Variants in ANKS1B observed in about 807,000 individuals in gnomAD.
The protein encoded by ANKS1B is ankyrin repeat and sterile alpha motif domain-containing protein 1B.
Under a neutral mutation model 148.3 loss-of-function variants are expected in ANKS1B, and 36 were observed. The ratio of observed to expected loss-of-function variants is 0.24; its 90% CI spans 0.19 to 0.32. The LOEUF (loss-of-function observed/expected upper bound fraction) is 0.32, where lower values mean the gene tolerates loss of function less well. ANKS1B is among the 10% of genes least tolerant of loss of function. ANKS1B has a pLI of 1.00. For synonymous variants in ANKS1B, 542 were observed against 560.8 expected, an observed-to-expected ratio of 0.97 and a Z score of 0.47; for missense variants, 1,157 against 1,542.6, an observed-to-expected ratio of 0.75 and a Z score of 4.19.
Position 99,984,360 on chromosome 12 carries a change from A to T in ANKS1B, c.-123T>A. ...CCTAAAATAATGCAAGAGCTTCAGC[A>T]CGGAGAGCTCCCTGCAGCCCCAGGC... On this transcript the variant is annotated 5_prime_UTR_variant, in exon 1 of 27. Transcript: ENST00000683438. 1.6e-6 allele frequency: 1 copy of T among 613,354 alleles called. No homozygotes were observed. 38.0% of individuals were successfully genotyped at this position (613,354 alleles called of 1,614,324 possible). A position where few individuals can be genotyped will look rare whatever the true frequency, so the allele number is the denominator to read the frequency against.
intron 24 of ANKS1B, among the ~76,000 whole-genome samples, chr12:98,779,287 T>C (rs981466029): frequency 6.6e-6 from 1 of 152,164 alleles, no homozygotes; most frequent in African/African-American, 2.4e-5. Flanking sequence ...AACTTCTGTG[T>C]CTCTTGCCGT....
At chr12:99,537,129 A>G (rs1029027818) in intron 9 of ANKS1B, among the ~76,000 whole-genome samples, 2 of 152,166 alleles carry the variant, frequency 1.3e-5, no homozygotes, top group African/African-American at 4.8e-5. Flanking sequence ...TCCATTGCGT[A>G]TAAGTACCAC....
chr12:99,614,183 C>A (rs1598140156), intron 9 of ANKS1B, among the ~76,000 whole-genome samples: 1 of 151,862 alleles, frequency 6.6e-6, no homozygotes, highest in South Asian at 2.1e-4. Flanking sequence ...AACTGTAATC[C>A]CAGCACTTTG....
At chr12:99,655,325 T>C in intron 8 of ANKS1B, 115 bp from the exon 9 acceptor site, 1 of 918,640 alleles carries the variant, frequency 1.1e-6, no homozygotes, top group Non-Finnish European at 1.6e-6. Flanking sequence ...GTCAGCTCAC[T>C]TTTAGCCACA....
chr12:99,081,105 A>G (rs2049581605), intron 16 of ANKS1B, among the ~76,000 whole-genome samples: 1 of 152,214 alleles, frequency 6.6e-6, no homozygotes, highest in Non-Finnish European at 1.5e-5. Context: ...AAATCTTCGC[A>G]TTGGTGAATA....
intron 25 of ANKS1B, among the ~76,000 whole-genome samples, chr12:98,766,992 T>TG (rs1282802382): frequency 1.3e-5 from 2 of 151,568 alleles, no homozygotes; most frequent in Non-Finnish European, 2.9e-5. Flanking sequence ...ATTTTTTTTT[T>TG]TTTTTTTGCA....
intron 12 of ANKS1B, among the ~76,000 whole-genome samples, chr12:99,326,585 T>C (rs2086342776): frequency 6.6e-6 from 1 of 152,134 alleles, no homozygotes; most frequent in Admixed American, 6.6e-5. Context: ...TACATTAACA[T>C]TGTTAAATTC....
intron 8 of ANKS1B, among the ~76,000 whole-genome samples, chr12:99,713,537 C>A (rs1276469418): frequency 1.3e-5 from 2 of 152,174 alleles, no homozygotes; most frequent in East Asian, 3.8e-4. Context: ...AATCTCCACG[C>A]TCATGGCTTA....
At chr12:99,584,735 G>T (rs1350707014) in intron 9 of ANKS1B, among the ~76,000 whole-genome samples, 4 of 152,142 alleles carry the variant, frequency 2.6e-5, no homozygotes, top group Admixed American at 2.6e-4. Flanking sequence ...TGAATGAGGA[G>T]CAAAGTCACA....
chr12:99,812,150 T>C lies in ANKS1B; in HGVS notation c.372+5A>G. ...ACATCATGAGCAAACATTTGGCAAG[T>C]GCACCTGTTCATTGACCCTGGAATG... On this transcript the variant is annotated splice_donor_5th_base_variant and intron_variant, in intron 3 of 26. Transcript: ENST00000683438. 6.2e-7 allele frequency: 1 copy of C among 1,606,894 alleles called. No individual in the cohort carries two copies. The highest frequency in any genetic ancestry group is 8.5e-7 in the Non-Finnish European group (1 of 1,175,750).
chr12:99,406,734 G>T (rs2094540193), intron 11 of ANKS1B, among the ~76,000 whole-genome samples: 1 of 145,384 alleles, frequency 6.9e-6, no homozygotes, highest in Admixed American at 6.8e-5. Context: ...ATAAAAAGTT[G>T]GTTTTTTGAA....
intron 14 of ANKS1B, among the ~76,000 whole-genome samples, chr12:99,169,643 G>A (rs2077546380): frequency 6.6e-6 from 1 of 152,152 alleles, no homozygotes; most frequent in Non-Finnish European, 1.5e-5. Context: ...ATCTCATTAT[G>A]TAAAACAACA....
At chr12:99,363,203 A>G (rs1398567553) in intron 12 of ANKS1B, among the ~76,000 whole-genome samples, 6 of 152,148 alleles carry the variant, frequency 3.9e-5, no homozygotes, top group Non-Finnish European at 8.8e-5. Context: ...TTTTAGTAAA[A>G]AAGACAAGTG....
At chr12:99,841,511 A>C (rs2085741674) in intron 1 of ANKS1B, among the ~76,000 whole-genome samples, 1 of 152,078 alleles carries the variant, frequency 6.6e-6, no homozygotes, top group African/African-American at 2.4e-5. Flanking sequence ...CAGGTTACAT[A>C]AACTGAAGAG....
At chr12:99,562,644 C>T (rs2097348752) in intron 9 of ANKS1B, among the ~76,000 whole-genome samples, 3 of 152,306 alleles carry the variant, frequency 2.0e-5, no homozygotes, top group Admixed American at 1.3e-4. Context: ...TCCTTCTTCA[C>T]ATGGTGGCAG....
chr12:99,744,857 T>G (rs566590033), intron 8 of ANKS1B, among the ~76,000 whole-genome samples: 5 of 151,898 alleles, frequency 3.3e-5, no homozygotes, highest in African/African-American at 1.2e-4. Flanking sequence ...CTGGGCGTGG[T>G]GGCACATGCC....
At chr12:99,633,559 T>C (rs1392430938) in intron 9 of ANKS1B, among the ~76,000 whole-genome samples, 1 of 152,108 alleles carries the variant, frequency 6.6e-6, no homozygotes, top group African/African-American at 2.4e-5. Context: ...GCAATACCAT[T>C]CAGGACATAG....
intron 15 of ANKS1B, among the ~76,000 whole-genome samples, chr12:99,095,460 GAGA>G (rs982241033): frequency 6.6e-5 from 10 of 152,206 alleles, no homozygotes; most frequent in African/African-American, 2.4e-4. Flanking sequence ...AAACAGTTCA[GAGA>G]AGGTGACAGC....
At chr12:99,706,912 C>T (rs991189246) in intron 8 of ANKS1B, among the ~76,000 whole-genome samples, 4 of 152,048 alleles carry the variant, frequency 2.6e-5, no homozygotes, top group African/African-American at 9.7e-5. Flanking sequence ...GAGCTTGGAA[C>T]CAGATCCTTC....
Sources: allele counts gnomAD v4.1 joint callset (sites outside exome capture counted in the v4.1 genomes callset), GRCh38; gene constraint gnomAD v4.1.1; transcripts MANE v1.5; gene names NCBI Gene and HGNC (gene_info 2026-07-23, HGNC 2026-07-21).